PTCHD4: variants seen among roughly 807,000 people sequenced by gnomAD.
PTCHD4 encodes the protein patched domain containing 4, also known as patched domain-containing protein 4.
Under a neutral mutation model 58.1 loss-of-function variants are expected in PTCHD4, and 33 were observed. The ratio of observed to expected loss-of-function variants is 0.57; its 90% confidence interval spans 0.43 to 0.76. The LOEUF is 0.76. Among genes scored for constraint, PTCHD4 ranks in the 30% least tolerant of loss-of-function variants. The pLI, the probability that PTCHD4 is intolerant of heterozygous loss-of-function variation, is 0.00. For missense variants in PTCHD4, 1,058 were observed against 1,027.1 expected, an observed-to-expected ratio of 1.03 and a Z score of -0.41; for synonymous variants, 478 against 409.6, an observed-to-expected ratio of 1.17 and a Z score of -2.02.
At chr6:47,988,017 T>C (rs1013246711) in intron 4 of PTCHD4, among the ~76,000 whole-genome samples, 2 of 152,158 alleles carry the variant, frequency 1.3e-5, no homozygotes, top group Non-Finnish European at 2.9e-5. Flanking sequence ...CTTCAGGTGA[T>C]CTGCCCGCCT....
intron 3 of PTCHD4, among the ~76,000 whole-genome samples, chr6:48,061,033 C>A (rs545533340): frequency 1.4e-3 from 213 of 152,310 alleles, no homozygotes; most frequent in Non-Finnish European, 2.0e-3. Flanking sequence ...GATTACAATG[C>A]CACTTTAAAG....
chr6:48,059,169 C>G (rs1235452346), intron 3 of PTCHD4, among the ~76,000 whole-genome samples: 7 of 152,182 alleles, frequency 4.6e-5, no homozygotes, highest in African/African-American at 1.7e-4. Flanking sequence ...CACTCGGGAG[C>G]TTGCTTGAAA....
intron 1 of PTCHD4, among the ~76,000 whole-genome samples, chr6:48,080,069 A>G (rs536753992): frequency 6.7e-6 from 1 of 148,758 alleles, no homozygotes; most frequent in South Asian, 2.1e-4. Flanking sequence ...TAGCAGAATC[A>G]GCAGATGACT....
rs1212428447 is a variant in PTCHD4 at position 47,872,641 on chromosome 6, A to G, written c.*5662T>C. ...TAAGGGAAATTTTCAACTGGGGAAA[A>G]ATAGTAGAAGCTGGCTTTCTATAAT... On this transcript the variant is annotated 3_prime_UTR_variant, in exon 5 of 5. Transcript: ENST00000339488. 6.6e-6 allele frequency among the ~76,000 whole-genome samples: 1 copy of G among 151,644 alleles called. No individual in the cohort carries two copies. Among genetic ancestry groups the G allele is most frequent in the Admixed American group, 6.6e-5 (1 of 15,194 alleles).
At chr6:48,017,508 T>A (rs566288832) in intron 3 of PTCHD4, among the ~76,000 whole-genome samples, 1 of 152,320 alleles carries the variant, frequency 6.6e-6, no homozygotes, top group African/African-American at 2.4e-5. Context: ...CCATCCAGAA[T>A]ATAAAATAAG....
At chr6:48,070,735 T>C (rs1026520622) in intron 1 of PTCHD4, among the ~76,000 whole-genome samples, 3 of 152,208 alleles carry the variant, frequency 2.0e-5, no homozygotes, top group Admixed American at 6.5e-5. Context: ...GCCACATTCA[T>C]AGACTAGTCT....
intron 4 of PTCHD4, among the ~76,000 whole-genome samples, chr6:48,001,433 A>C (rs1768718360): frequency 6.6e-6 from 1 of 152,220 alleles, no homozygotes; most frequent in Non-Finnish European, 1.5e-5. Context: ...GGAACAGAAC[A>C]GATCCCTCAG....
intron 4 of PTCHD4, among the ~76,000 whole-genome samples, chr6:47,985,263 A>G (rs1201231363): frequency 1.3e-5 from 2 of 152,088 alleles, no homozygotes; most frequent in Non-Finnish European, 2.9e-5. Flanking sequence ...TTAAATAAAT[A>G]TTGAAAAAAA....
chr6:47,924,941 A>G (rs1765549877), intron 4 of PTCHD4, among the ~76,000 whole-genome samples: 1 of 147,338 alleles, frequency 6.8e-6, no homozygotes, highest in Non-Finnish European at 1.5e-5. Flanking sequence ...ACAAGCAGAC[A>G]TTTTATATAT....
At position 47,963,135 on chromosome 6, in the gene PTCHD4, AT is replaced by A. The variant is rs1561980508; in HGVS notation, c.898+45498del. On this transcript the variant is annotated intron_variant, in intron 4 of 4. Transcript: ENST00000339488. The stretch of plus-strand genomic sequence containing the variant: ...CAGAGCAAGACTCCATCTCAAAAAA[AT>A]AAATAAGTAAATAAATAAATAAAAA... 9.9e-5 allele frequency among the ~76,000 whole-genome samples: 15 copies of A among 152,182 alleles called. No individual in the cohort carries two copies. In the South Asian group the frequency reaches 2.9e-3, roughly 29 times the overall value.
Position 48,062,715 on chromosome 6 carries a change from A to G in PTCHD4, c.417+5515T>C, listed in dbSNP as rs1434751189. Among the ~76,000 whole-genome samples the G allele has an allele frequency of 2.6e-5, 4 of 152,170 alleles. No homozygotes were observed. The East Asian group carries it at 7.7e-4, about 29-fold the overall frequency. On this transcript the variant is annotated intron_variant, in intron 3 of 4. Transcript: ENST00000339488. ...TACAATAATTCAGTTGGGTGCTATG[A>G]TCAAAGTCTTTCAGTAGCATCATTC...
chr6:47,962,841 A>C (rs564407404), intron 4 of PTCHD4, among the ~76,000 whole-genome samples: 9 of 152,192 alleles, frequency 5.9e-5, no homozygotes, highest in Middle Eastern at 3.4e-3. Context: ...AAAAAAAAAA[A>C]AACAAGGTAA....
intron 4 of PTCHD4, among the ~76,000 whole-genome samples, chr6:47,952,181 T>TCATTGATAAAG (rs1210583651): frequency 6.6e-6 from 1 of 152,162 alleles, no homozygotes; most frequent in East Asian, 1.9e-4. Flanking sequence ...TGAGCTTATT[T>TCATTGATAAAG]CATTGATAAA....
intron 4 of PTCHD4, among the ~76,000 whole-genome samples, chr6:47,952,283 A>T (rs1766683330): frequency 6.6e-6 from 1 of 152,144 alleles, no homozygotes. Flanking sequence ...TGCTGCTGCA[A>T]TATTTTCTTA....
intron 3 of PTCHD4, among the ~76,000 whole-genome samples, chr6:48,011,040 C>T (rs193156225): frequency 1.2e-3 from 182 of 152,272 alleles, no homozygotes; most frequent in Admixed American, 2.6e-3. Context: ...AATAAACGTA[C>T]GTGTGCATGT....
intron 4 of PTCHD4, among the ~76,000 whole-genome samples, chr6:47,889,709 T>C (rs968389382): frequency 6.6e-6 from 1 of 151,290 alleles, no homozygotes; most frequent in Admixed American, 6.6e-5. Flanking sequence ...CAATTCAAGA[T>C]GGATTAAAGA....
rs531399734 is a variant in PTCHD4, at chr6:47,959,309, G to T, written c.898+49325C>A. On this transcript the variant is annotated intron_variant, in intron 4 of 4. Coordinates refer to ENST00000339488, the MANE Select transcript of PTCHD4 (RefSeq NM_001384253.1). ...TAAAAATATACTGTATAGGATTAAGGGCTGATTAGACATTGCAGAAGAAAA... is the reference window on the plus strand; with the variant it reads ...TAAAAATATACTGTATAGGATTAAGTGCTGATTAGACATTGCAGAAGAAAA... 1.1e-3 allele frequency among the ~76,000 whole-genome samples: 175 copies of T among 152,176 alleles called. 2 individuals are homozygous for T. Among genetic ancestry groups the T allele is most frequent in the Admixed American group, 2.6e-3 (40 of 15,278 alleles).
At chr6:48,065,387 C>T (rs1318988894) in intron 3 of PTCHD4, among the ~76,000 whole-genome samples, 2 of 152,036 alleles carry the variant, frequency 1.3e-5, no homozygotes, top group African/African-American at 2.4e-5. Context: ...CCCAGTAGAA[C>T]AGGAGAAAGC....
In PTCHD4 at chr6:47,918,433, A is replaced by G. The variant is rs1361578329; in HGVS notation, c.899-38497T>C. On this transcript the variant is annotated intron_variant, in intron 4 of 4. Coordinates refer to ENST00000339488, the MANE Select transcript of PTCHD4 (RefSeq NM_001384253.1). ...GATCCTGGACTACAAGACAAGAACCAGGACAACAAAGTACCAAAAAAGTTG... is the reference window on the plus strand; with the variant it reads ...GATCCTGGACTACAAGACAAGAACCGGGACAACAAAGTACCAAAAAAGTTG... Among the ~76,000 whole-genome samples, 5 of 152,208 alleles carry G rather than the reference A, an allele frequency of 3.3e-5. No individual in the cohort carries two copies. The East Asian group carries it at 9.6e-4, about 29-fold the overall frequency.
Sources: allele counts gnomAD v4.1 joint callset (sites outside exome capture counted in the v4.1 genomes callset), GRCh38; gene constraint gnomAD v4.1.1; transcripts MANE v1.5; gene names NCBI Gene and HGNC (gene_info 2026-07-23, HGNC 2026-07-21).